Variants in TAPT1 observed in about 807,000 individuals in gnomAD.
TAPT1 encodes transmembrane anterior posterior transformation 1, also known as transmembrane anterior posterior transformation protein 1 homolog.
In TAPT1, 28 loss-of-function variants were observed where a neutral mutation model predicts 65.6. The observed-to-expected ratio is 0.43, with a 90% CI of 0.32 to 0.59. The LOEUF is 0.59. Among genes scored for constraint, TAPT1 ranks in the 20% least tolerant of loss-of-function variants. The pLI is 0.09. For missense variants in TAPT1, 563 were observed against 679.9 expected (o/e 0.83, Z 1.91); for synonymous variants, 278 against 245.2 (o/e 1.13, Z -1.25).
chr4:16,222,807 A>G (rs911775397), intron 1 of TAPT1, among the ~76,000 whole-genome samples: 1 of 150,666 alleles, frequency 6.6e-6, no homozygotes, highest in Non-Finnish European at 1.5e-5. Context: ...GAGAGAGGCA[A>G]AAGAGATGGA....
At chr4:16,182,801 T>A (rs1016991320) in intron 7 of TAPT1, 6 of 152,228 alleles carry the variant, frequency 3.9e-5, no homozygotes, top group Non-Finnish European at 8.8e-5. Context: ...GGATAATTTG[T>A]TAAAAATCTG....
rs377403429 is a variant in TAPT1, at chr4:16,165,465, G to A, written c.1474+1168C>T. 6.6e-4 allele frequency among the ~76,000 whole-genome samples: 100 copies of A among 151,446 alleles called. 1 individual carries two copies. The highest frequency in any genetic ancestry group is 2.3e-3 in the African/African-American group (94 of 41,112). Reference sequence around the variant, plus strand: ...GGCGCCTGTAGTCCCAGCTACTCGAGAGGCCGAGGCAGGAGAATGCCGTGA... The same window carrying A: ...GGCGCCTGTAGTCCCAGCTACTCGAAAGGCCGAGGCAGGAGAATGCCGTGA... On this transcript the variant is annotated intron_variant, in intron 13 of 13. Coordinates refer to ENST00000405303, the MANE Select transcript of TAPT1 (RefSeq NM_153365.3).
chr4:16,207,143 G>C (rs1264523325), intron 2 of TAPT1, among the ~76,000 whole-genome samples: 1 of 152,232 alleles, frequency 6.6e-6, no homozygotes, highest in Non-Finnish European at 1.5e-5. Context: ...ACAAGGGTGT[G>C]TCACCAGCAA....
chr4:16,170,711 T>C lies in TAPT1; in HGVS notation c.1255A>G (p.Ser419Gly), dbSNP rs1747937313. The change falls in exon 12 of 14, where the codon AGC (serine) becomes GGC (glycine). Residue 419 changes from serine to glycine, a missense_variant. Ser to Gly is a moderately conservative substitution (Grantham distance 56, BLOSUM62 0). Coordinates refer to ENST00000405303, the MANE Select transcript of TAPT1 (RefSeq NM_153365.3). Reference sequence around the variant, plus strand: ...AGGATTCCTTGCACTTTAATTGAGCTTGTTACAACTCTGATGAGCTAGCCA... The same window carrying C: ...AGGATTCCTTGCACTTTAATTGAGCCTGTTACAACTCTGATGAGCTAGCCA... ...LAVLLIRVVT[S>G]SIKVQGILSY... 2 of 1,613,622 alleles carry C rather than the reference T, an allele frequency of 1.2e-6. No individual in the cohort carries two copies. The highest frequency in any genetic ancestry group is 1.7e-6 in the Non-Finnish European group (2 of 1,179,706).
intron 2 of TAPT1, among the ~76,000 whole-genome samples, chr4:16,206,446 A>G (rs1352580933): frequency 1.3e-5 from 2 of 152,198 alleles, no homozygotes; most frequent in Non-Finnish European, 2.9e-5. Context: ...GGGCTTAGAC[A>G]GGGCTGTGGT....
intron 1 of TAPT1, among the ~76,000 whole-genome samples, chr4:16,219,603 G>C (rs1173067271): frequency 1.3e-5 from 2 of 152,186 alleles, no homozygotes; most frequent in African/African-American, 4.8e-5. Context: ...TGAAAGCTTT[G>C]TCTTACCTCC....
intron 1 of TAPT1, among the ~76,000 whole-genome samples, chr4:16,223,090 T>C (rs148116819): frequency 4.3e-4 from 66 of 152,310 alleles, no homozygotes; most frequent in African/African-American, 1.4e-3. Context: ...CTTCAGATAC[T>C]GAACTATCTA....
rs1405389016 is a variant in TAPT1, at chr4:16,161,169, C to T, written c.*2139G>A. The T allele has an allele frequency of 6.6e-6, 1 of 152,480 alleles. No individual in the cohort carries two copies. The highest frequency in any genetic ancestry group is 2.4e-5 in the African/African-American group (1 of 41,374). 9.4% of individuals were successfully genotyped at this position (152,480 alleles called of 1,614,324 possible). A position where few individuals can be genotyped will look rare whatever the true frequency, so the allele number is the denominator to read the frequency against. On this transcript the variant is annotated 3_prime_UTR_variant, in exon 14 of 14. Coordinates refer to ENST00000405303, the MANE Select transcript of TAPT1 (RefSeq NM_153365.3). ...TTAAACATTTTGCCACCATTAAGAC[C>T]AAAGCAATAATTCAAATTAAGATAG...
chr4:16,217,192 C>A (rs1331380029), intron 1 of TAPT1, among the ~76,000 whole-genome samples: 2 of 152,162 alleles, frequency 1.3e-5, no homozygotes, highest in African/African-American at 4.8e-5. Flanking sequence ...AGTACCTGCA[C>A]CTGCCTATGA....
rs537234541 is a variant in TAPT1, at chr4:16,191,628, G to C, written c.450-105C>G. On this transcript the variant is annotated intron_variant, in intron 3 of 13. Transcript: ENST00000405303. ...CACTGGCATACAAAGGTAAAAATAA[G>C]AATTATGTTGATCTTTTAAAAACTT... is the stretch of plus-strand genomic sequence containing the variant. 1.3e-3 allele frequency: 1,574 copies of C among 1,189,472 alleles called. 1 individual carries two copies. Among genetic ancestry groups the C allele is most frequent in the Non-Finnish European group, 1.6e-3 (1,443 of 878,672 alleles). 73.7% of individuals were successfully genotyped at this position (1,189,472 alleles called of 1,614,324 possible).
At chr4:16,225,921 G>A (rs936472295) in intron 1 of TAPT1, 1 of 988,056 alleles carries the variant, frequency 1.0e-6, no homozygotes, top group Non-Finnish European at 1.2e-6. Flanking sequence ...TCTCACGTTT[G>A]GGCTCCGAGA....
intron 1 of TAPT1, chr4:16,216,300 C>G (rs1750939901): frequency 6.6e-6 from 1 of 152,232 alleles, no homozygotes. Flanking sequence ...GTCAGCCATC[C>G]TTTAATGATG....
At chr4:16,226,577 C>T (rs1435819549), upstream of TAPT1, 1 of 670,738 alleles carries the variant, frequency 1.5e-6, no homozygotes, top group Non-Finnish European at 1.8e-6. Context: ...CCGCCGCCAT[C>T]CGCGGCCCGC....
chr4:16,191,234 A>T, intron 4 of TAPT1, 127 bp downstream of exon 4: 1 of 942,066 alleles, frequency 1.1e-6, no homozygotes, highest in Non-Finnish European at 1.5e-6. Flanking sequence ...TGATGACAGC[A>T]CAGTAAAGGC....
At chr4:16,210,450 G>A (rs1410031917) in intron 2 of TAPT1, among the ~76,000 whole-genome samples, 1 of 152,084 alleles carries the variant, frequency 6.6e-6, no homozygotes, top group African/African-American at 2.4e-5. Context: ...AATGTAATCG[G>A]GGACAAGCAA....
At chr4:16,201,439 T>C (rs1483849673) in intron 3 of TAPT1, among the ~76,000 whole-genome samples, 1 of 152,226 alleles carries the variant, frequency 6.6e-6, no homozygotes, top group Non-Finnish European at 1.5e-5. Context: ...TTGTCCATTT[T>C]AGCATTTTAG....
intron 1 of TAPT1, among the ~76,000 whole-genome samples, chr4:16,223,950 G>C (rs951872371): frequency 1.3e-5 from 2 of 152,070 alleles, no homozygotes; most frequent in African/African-American, 4.8e-5. Context: ...AGGGAACTTT[G>C]GAACTGACTG....
At chr4:16,196,304 T>C (rs1303406267) in intron 3 of TAPT1, among the ~76,000 whole-genome samples, 2 of 152,352 alleles carry the variant, frequency 1.3e-5, no homozygotes, top group Non-Finnish European at 2.9e-5. Flanking sequence ...TATAAAGCTA[T>C]GTTCACAATT....
At chr4:16,179,706 TAATA>T in intron 7 of TAPT1, 49 bp from the exon 8 acceptor site, 1 of 927,686 alleles carries the variant, frequency 1.1e-6, no homozygotes, top group East Asian at 2.8e-5. Flanking sequence ...ATAAACAACA[TAATA>T]AAGTACATAT....
Sources: gnomAD v4.1 joint callset for allele counts (sites outside exome capture counted in the v4.1 genomes callset) on GRCh38, gnomAD v4.1.1 for gene constraint, MANE v1.5 for transcripts, NCBI Gene and HGNC (gene_info 2026-07-23, HGNC 2026-07-21) for gene names.